DOCK10: variants seen among roughly 807,000 people sequenced by gnomAD.
DOCK10 encodes dedicator of cytokinesis protein 10.
Under a neutral mutation model 280.1 loss-of-function variants are expected in DOCK10, and 145 were observed. The observed-to-expected ratio is 0.52, with a 90% CI of 0.45 to 0.59. The LOEUF (loss-of-function observed/expected upper bound fraction) is 0.59. Among genes scored for constraint, DOCK10 ranks in the 20% least tolerant of loss-of-function variants. DOCK10 has a pLI of 0.00. For synonymous variants in DOCK10, 915 were observed against 942.2 expected (o/e 0.97, Z 0.53); for missense variants, 2,368 against 2,651.7 (o/e 0.89, Z 2.35).
At chr2:224,893,535 T>G (rs2125811635) in intron 4 of DOCK10, 1 of 289,608 alleles carries the variant, frequency 3.5e-6, no homozygotes, top group African/African-American at 2.3e-5. Context: ...TTTATGCTGC[T>G]TTTTTCTTCT....
At chr2:224,820,214 T>A (rs761403680) in intron 28 of DOCK10, among the ~76,000 whole-genome samples, 3 of 152,230 alleles carry the variant, frequency 2.0e-5, no homozygotes, top group Non-Finnish European at 4.4e-5. Flanking sequence ...CTTACTACCT[T>A]TCTTATTCTG....
At position 225,009,648 on chromosome 2, in the gene DOCK10, A is replaced by AAG. The variant is rs1167955596; in HGVS notation, c.123+32603_123+32604insCT. On this transcript the variant is annotated intron_variant, in intron 1 of 55. Coordinates refer to ENST00000258390, the MANE Select transcript of DOCK10 (RefSeq NM_014689.3). ...AGGCAAGCCCTAAGGCAAAAAAAAA[A>AAG]AAAGAAAGAAAAAAGAAAACAACAA... 6.1e-3 allele frequency among the ~76,000 whole-genome samples: 926 copies of AAG among 151,692 alleles called. 21 individuals carry two copies. Among genetic ancestry groups the AAG allele is most frequent in the African/African-American group, 0.021 (872 of 41,346 alleles).
At chr2:225,040,022 C>T (rs927528080) in intron 1 of DOCK10, among the ~76,000 whole-genome samples, 3 of 152,312 alleles carry the variant, frequency 2.0e-5, no homozygotes, top group South Asian at 2.1e-4. Flanking sequence ...CCCCAACATC[C>T]TATCATTTTT....
intron 14 of DOCK10, among the ~76,000 whole-genome samples, chr2:224,858,562 G>C (rs1468558633): frequency 6.6e-6 from 1 of 152,176 alleles, no homozygotes; most frequent in Non-Finnish European, 1.5e-5. Context: ...GCTGAGGCAG[G>C]AGAATCGCTT....
chr2:224,908,166 T>TTGTG (rs369490326), intron 3 of DOCK10, among the ~76,000 whole-genome samples: 14,548 of 136,258 alleles, frequency 0.11, 825 homozygotes, highest in Non-Finnish European at 0.14. Flanking sequence ...TTTAAATGAG[T>TTGTG]TGTGTGTGTG....
intron 1 of DOCK10, among the ~76,000 whole-genome samples, chr2:224,996,630 A>AAAATCAAAT (rs1435217835): frequency 3.3e-5 from 5 of 152,312 alleles, no homozygotes; most frequent in African/African-American, 1.2e-4. Flanking sequence ...GGCTACTGCG[A>AAAATCAAAT]AAATCAAATA....
In DOCK10 at chr2:225,037,227, C is replaced by T. The variant is rs150992754; in HGVS notation, c.123+5025G>A. ...TGCAATACAGGTGGGATGGGGATGG[C>T]TGAGTGAGTTCATATTTTAAAGACT... On this transcript the variant is annotated intron_variant, in intron 1 of 55. Transcript: ENST00000258390. 3.7e-3 allele frequency among the ~76,000 whole-genome samples: 563 copies of T among 152,208 alleles called. 6 individuals carry two copies. The highest frequency in any genetic ancestry group is 0.013 in the African/African-American group (530 of 41,534).
chr2:224,907,079 T>TA (rs1212690181), intron 3 of DOCK10, among the ~76,000 whole-genome samples: 3 of 152,216 alleles, frequency 2.0e-5, no homozygotes, highest in Admixed American at 1.3e-4. Context: ...CTAACTGAAT[T>TA]GCAATTAGCA....
chr2:224,773,654 G>A (rs1352600705), intron 52 of DOCK10, among the ~76,000 whole-genome samples: 1 of 147,120 alleles, frequency 6.8e-6, no homozygotes, highest in African/African-American at 2.5e-5. Flanking sequence ...TTTTTTTTGA[G>A]ATGAGTCTCG....
intron 19 of DOCK10, 54 bp from the exon 20 acceptor site, chr2:224,845,696 CAGAGCA>C (rs1418314040): frequency 6.6e-7 from 1 of 1,511,270 alleles, no homozygotes; most frequent in East Asian, 2.3e-5. Flanking sequence ...TGCTCAATAT[CAGAGCA>C]AGACAAAGCA....
chr2:225,007,038 A>C (rs2126292452), intron 1 of DOCK10, among the ~76,000 whole-genome samples: 1 of 152,310 alleles, frequency 6.6e-6, no homozygotes. Flanking sequence ...AACGTGAGAT[A>C]GATTCTGCAA....
At chr2:224,774,733 T>C (rs1169964891) in intron 52 of DOCK10, among the ~76,000 whole-genome samples, 172 bp downstream of exon 52, 1 of 152,176 alleles carries the variant, frequency 6.6e-6, no homozygotes, top group Non-Finnish European at 1.5e-5. Context: ...TGACTTCTGT[T>C]AATGGAGAAT....
chr2:224,776,134 C>T (rs1690845376), intron 51 of DOCK10, among the ~76,000 whole-genome samples: 1 of 151,956 alleles, frequency 6.6e-6, no homozygotes. Flanking sequence ...GTTGGAAGAG[C>T]TGGAGTTCTC....
chr2:224,892,427 GAAAGA>G (rs61162322), intron 4 of DOCK10, among the ~76,000 whole-genome samples: 9 of 93,968 alleles, frequency 9.6e-5, no homozygotes, highest in Admixed American at 6.3e-4. Context: ...AAAAAAGAAA[GAAAGA>G]AAAGAAAAGA....
At chr2:224,776,180 T>G (rs1302119357) in intron 51 of DOCK10, among the ~76,000 whole-genome samples, 1 of 152,122 alleles carries the variant, frequency 6.6e-6, no homozygotes, top group African/African-American at 2.4e-5. Context: ...ATTTTAAAAC[T>G]TCTTCCAATT....
chr2:225,026,049 T>C (rs904746238), intron 1 of DOCK10, among the ~76,000 whole-genome samples: 2 of 151,706 alleles, frequency 1.3e-5, no homozygotes, highest in Admixed American at 6.6e-5. Context: ...GGCAAATTAG[T>C]TGGGTCTTGA....
At chr2:224,778,732 T>C (rs563446366) in intron 50 of DOCK10, among the ~76,000 whole-genome samples, 50 of 152,236 alleles carry the variant, frequency 3.3e-4, no homozygotes, top group Non-Finnish European at 5.6e-4. Context: ...GTGTATGGCA[T>C]GTAAAGCTAT....
intron 29 of DOCK10, 24 bp downstream of exon 29, chr2:224,819,422 A>G (rs1694359624): frequency 6.7e-7 from 1 of 1,482,288 alleles, no homozygotes; most frequent in Non-Finnish European, 9.3e-7. Flanking sequence ...TTAGAAAACA[A>G]TCACTCCTGT....
At chr2:224,841,931 G>T in intron 22 of DOCK10, 35 bp from the exon 23 acceptor site, 1 of 1,475,222 alleles carries the variant, frequency 6.8e-7, no homozygotes, top group South Asian at 1.1e-5. Context: ...TATTTCTGAT[G>T]ACACGTAAAC....
Sources: gnomAD v4.1 joint callset for allele counts (sites outside exome capture counted in the v4.1 genomes callset) on GRCh38, gnomAD v4.1.1 for gene constraint, MANE v1.5 for transcripts, NCBI Gene and HGNC (gene_info 2026-07-23, HGNC 2026-07-21) for gene names.